SLIT3: variants seen among roughly 807,000 people sequenced by gnomAD.
The protein encoded by SLIT3 is slit guidance ligand 3, also known as slit homolog 3 protein.
SLIT3 carries 68 observed loss-of-function variants against 184.0 expected under a neutral mutation model. The observed-to-expected ratio is 0.37, with a 90% CI of 0.30 to 0.45. The LOEUF (loss-of-function observed/expected upper bound fraction) is 0.45, where lower values mean the gene tolerates loss of function less well. SLIT3 is among the 20% of genes least tolerant of loss of function. The pLI is 1.00. For synonymous variants in SLIT3, 831 were observed against 828.6 expected, an observed-to-expected ratio of 1.00 and a Z score of -0.05; for missense variants, 1,707 against 2,026.0, an observed-to-expected ratio of 0.84 and a Z score of 3.02.
At chr5:168,684,205 G>T in intron 31 of SLIT3, 109 bp from the exon 32 acceptor site, 1 of 1,174,350 alleles carries the variant, frequency 8.5e-7, no homozygotes, top group Non-Finnish European at 1.2e-6. Context: ...TCTGTGCTGC[G>T]TCTAAATTCA....
At chr5:169,192,423 C>CTGTGTGTGTGTGTGTG (rs3038088) in intron 4 of SLIT3, among the ~76,000 whole-genome samples, 6 of 148,278 alleles carry the variant, frequency 4.0e-5, no homozygotes, top group Admixed American at 1.3e-4. Flanking sequence ...TATATAGTCT[C>CTGTGTGTGTGTGTGTG]TGTGTGTGTG....
chr5:168,708,103 G>A lies in SLIT3; in HGVS notation c.2720-3C>T, dbSNP rs775713246. ...CACAATGTTGATGTCCACTGGCCCT[G>A]GGCAGCAAAACCAGAGTACTGATGG... On this transcript the variant is annotated splice_polypyrimidine_tract_variant and splice_region_variant and intron_variant, in intron 25 of 35. Coordinates refer to ENST00000519560, the MANE Select transcript of SLIT3 (RefSeq NM_003062.4). 6.2e-7 allele frequency: 1 copy of A among 1,614,128 alleles called. No homozygotes were observed. The highest frequency in any genetic ancestry group is 1.1e-5 in the South Asian group (1 of 91,076).
At chr5:169,217,944 T>G (rs1376043096) in intron 3 of SLIT3, among the ~76,000 whole-genome samples, 3 of 152,118 alleles carry the variant, frequency 2.0e-5, no homozygotes, top group African/African-American at 7.2e-5. Flanking sequence ...ATGGGTGAGG[T>G]TGCACAGAAA....
intron 5 of SLIT3, among the ~76,000 whole-genome samples, chr5:168,870,390 C>T (rs1326501671): frequency 1.3e-5 from 2 of 152,194 alleles, no homozygotes; most frequent in Non-Finnish European, 2.9e-5. Context: ...CTTTCAAAAG[C>T]CCTAAGCCCC....
At chr5:168,956,140 C>T (rs1448610863) in intron 4 of SLIT3, among the ~76,000 whole-genome samples, 1 of 152,126 alleles carries the variant, frequency 6.6e-6, no homozygotes, top group Non-Finnish European at 1.5e-5. Flanking sequence ...ATAAACTTTC[C>T]CAGAGAGAAA....
chr5:169,071,858 C>T (rs1442000245), intron 4 of SLIT3, among the ~76,000 whole-genome samples: 4 of 151,974 alleles, frequency 2.6e-5, no homozygotes, highest in East Asian at 1.9e-4. Context: ...GTGGGCAGGG[C>T]AGAGGGATTG....
At chr5:169,187,549 TTC>T in intron 4 of SLIT3, among the ~76,000 whole-genome samples, 1 of 78,496 alleles carries the variant, frequency 1.3e-5, no homozygotes, top group Non-Finnish European at 2.4e-5. Context: ...TTCTTTTTCT[TTC>T]TTTCTTTCTT....
At chr5:168,986,662 C>G (rs558662323) in intron 4 of SLIT3, among the ~76,000 whole-genome samples, 1 of 152,138 alleles carries the variant, frequency 6.6e-6, no homozygotes, top group Non-Finnish European at 1.5e-5. Context: ...CCACCACAAG[C>G]AGTTTTAGCA....
chr5:169,236,857 A>G (rs1462531589), intron 3 of SLIT3, among the ~76,000 whole-genome samples: 1 of 152,190 alleles, frequency 6.6e-6, no homozygotes, highest in Non-Finnish European at 1.5e-5. Flanking sequence ...ATATTAAATA[A>G]AAGTACCTAC....
At chr5:168,727,692 G>A (rs1156906980) in intron 20 of SLIT3, among the ~76,000 whole-genome samples, 1 of 152,216 alleles carries the variant, frequency 6.6e-6, no homozygotes, top group Admixed American at 6.5e-5. Context: ...GAAAGGCTGT[G>A]GGGTATTTGC....
In SLIT3 at chr5:168,753,790, G is replaced by A. The variant is rs146724041; in HGVS notation, c.1829+74C>T. 1.7e-4 allele frequency: 255 copies of A among 1,539,972 alleles called. No homozygotes were observed. The South Asian group carries it at 1.7e-3, about 10-fold the overall frequency. ...CAGTGCCTGGGTCCCACTTGCCTTC[G>A]TAGTCTGTCTCTAATTCCCCTGCCC... On this transcript the variant is annotated intron_variant, in intron 17 of 35. Transcript: ENST00000519560.
At chr5:168,708,157 C>A in intron 25 of SLIT3, 57 bp from the exon 26 acceptor site, 1 of 1,612,294 alleles carries the variant, frequency 6.2e-7, no homozygotes, top group Non-Finnish European at 8.5e-7. Flanking sequence ...ACTGCCATAC[C>A]TCCCTTCCCC....
chr5:169,112,857 G>A (rs561496966), intron 4 of SLIT3, among the ~76,000 whole-genome samples: 46 of 152,140 alleles, frequency 3.0e-4, no homozygotes, highest in Non-Finnish European at 5.6e-4. Flanking sequence ...TCTGTTGGGC[G>A]GCCCTTCTCC....
At chr5:168,945,965 A>G (rs950263515) in intron 4 of SLIT3, among the ~76,000 whole-genome samples, 6 of 152,262 alleles carry the variant, frequency 3.9e-5, no homozygotes, top group African/African-American at 1.4e-4. Context: ...TTTCTCGCGT[A>G]CTGTTTCTAA....
chr5:169,060,995 G>A (rs1270299857), intron 4 of SLIT3, among the ~76,000 whole-genome samples: 2 of 152,170 alleles, frequency 1.3e-5, no homozygotes, highest in Non-Finnish European at 2.9e-5. Flanking sequence ...TAAGCTGGGT[G>A]TTTTTGAGCA....
Position 168,795,589 on chromosome 5 carries a change from G to A in SLIT3, c.936-11C>T, listed in dbSNP as rs1461328290. ...TTCTGTTCTAGGCGTCTGGGAAACA[G>A]AGCAGAGAAGAGTGAATTAACCATC... On this transcript the variant is annotated splice_polypyrimidine_tract_variant and intron_variant, in intron 9 of 35. Coordinates refer to ENST00000519560, the MANE Select transcript of SLIT3 (RefSeq NM_003062.4). 1 of 1,607,620 alleles carries A rather than the reference G, an allele frequency of 6.2e-7. No homozygotes were observed. The highest frequency in any genetic ancestry group is 1.7e-5 in the Admixed American group (1 of 60,014).
chr5:169,160,675 C>T (rs965662134), intron 4 of SLIT3, among the ~76,000 whole-genome samples: 1 of 152,206 alleles, frequency 6.6e-6, no homozygotes, highest in Non-Finnish European at 1.5e-5. Flanking sequence ...TCAAGTGATA[C>T]AACCCTATCC....
Position 169,086,632 on chromosome 5 carries a change from T to C in SLIT3, c.413+106847A>G, listed in dbSNP as rs80220498. 4.3e-3 allele frequency among the ~76,000 whole-genome samples: 649 copies of C among 152,322 alleles called. 2 individuals are homozygous for C. Among genetic ancestry groups the C allele is most frequent in the Non-Finnish European group, 6.5e-3 (442 of 68,034 alleles). ...AATCAAACTGATGTCAGTATTAGCA[T>C]GGATTCAGTCAAGCTGGACCTCTTA... On this transcript the variant is annotated intron_variant, in intron 4 of 35. Transcript: ENST00000519560.
At chr5:168,773,980 A>C (rs1400982170) in intron 13 of SLIT3, among the ~76,000 whole-genome samples, 1 of 152,224 alleles carries the variant, frequency 6.6e-6, no homozygotes, top group Non-Finnish European at 1.5e-5. Flanking sequence ...AAGAAGAGAT[A>C]GTAACAGCAC....
Sources: allele counts gnomAD v4.1 joint callset (sites outside exome capture counted in the v4.1 genomes callset), GRCh38; gene constraint gnomAD v4.1.1; transcripts MANE v1.5; gene names NCBI Gene and HGNC (gene_info 2026-07-23, HGNC 2026-07-21).